The following ZNF385B variants were observed in gnomAD, a reference collection of about 807,000 sequenced individuals.
The protein encoded by ZNF385B is zinc finger protein 533.
In ZNF385B, 23 loss-of-function variants were observed where a neutral mutation model predicts 39.2. The observed-to-expected ratio is 0.59, with a 90% CI of 0.42 to 0.83. The LOEUF (loss-of-function observed/expected upper bound fraction) is 0.83, where lower values mean the gene tolerates loss of function less well. ZNF385B is among the 40% of genes least tolerant of loss of function. The pLI is 0.00. For missense variants in ZNF385B, 552 were observed against 598.9 expected (o/e 0.92, Z 0.82); for synonymous variants, 205 against 222.6 (o/e 0.92, Z 0.70).
intron 1 of ZNF385B, among the ~76,000 whole-genome samples, chr2:179,850,924 A>G (rs1487712529): frequency 6.6e-6 from 1 of 152,234 alleles, no homozygotes; most frequent in Non-Finnish European, 1.5e-5. Flanking sequence ...CTTATGCAAC[A>G]GTTCAGATGT....
intron 3 of ZNF385B, among the ~76,000 whole-genome samples, chr2:179,594,818 G>GT (rs1192620747): frequency 1.7e-5 from 2 of 115,178 alleles, no homozygotes; most frequent in South Asian, 2.8e-4. Flanking sequence ...TTTCTGTTTT[G>GT]TTTTTTTTAG....
intron 3 of ZNF385B, among the ~76,000 whole-genome samples, chr2:179,585,458 A>G (rs1204243646): frequency 6.6e-6 from 1 of 152,212 alleles, no homozygotes; most frequent in African/African-American, 2.4e-5. Flanking sequence ...TAAATGACAA[A>G]TTAACTTTAA....
Position 179,518,632 on chromosome 2 carries a change from G to C in ZNF385B, c.448C>G (p.Pro150Ala). 1 of 1,577,826 alleles carries C rather than the reference G, an allele frequency of 6.3e-7. No homozygotes were observed. Residue 150 changes from proline to alanine, a missense_variant, in exon 5 of 10, where the codon CCT (proline) becomes GCT (alanine). Physicochemically the swap from Pro to Ala is conservative, Grantham distance 27. Coordinates refer to ENST00000410066, the MANE Select transcript of ZNF385B (RefSeq NM_152520.6). ...TGGTTAATAACCGCTTTTTGCACAG[G>C]ATCCATCTGAAGAACAAATGAAAAA... Reference protein sequence around the residue: ...GLFPNFNTMDPVQKAVINHTF... With the variant: ...GLFPNFNTMDAVQKAVINHTF...
chr2:179,772,834 T>C (rs924283682), intron 1 of ZNF385B, among the ~76,000 whole-genome samples: 2 of 152,218 alleles, frequency 1.3e-5, no homozygotes, highest in Non-Finnish European at 2.9e-5. Flanking sequence ...GGCAGCACTG[T>C]GCTTTGGACT....
chr2:179,676,755 AGG>A (rs1463510636), intron 3 of ZNF385B, among the ~76,000 whole-genome samples: 1 of 152,128 alleles, frequency 6.6e-6, no homozygotes, highest in Non-Finnish European at 1.5e-5. Flanking sequence ...TTTGTCCCTC[AGG>A]GGTCAATTGG....
intron 3 of ZNF385B, among the ~76,000 whole-genome samples, chr2:179,617,770 T>C (rs1380642303): frequency 6.6e-6 from 1 of 152,218 alleles, no homozygotes; most frequent in Non-Finnish European, 1.5e-5. Context: ...GAGTATTACC[T>C]GCATACTGGT....
chr2:179,740,421 T>C (rs1246221414), intron 3 of ZNF385B, among the ~76,000 whole-genome samples: 4 of 152,212 alleles, frequency 2.6e-5, no homozygotes, highest in Non-Finnish European at 4.4e-5. Context: ...GGGAGGCATC[T>C]TTTTGTCATT....
intron 3 of ZNF385B, among the ~76,000 whole-genome samples, chr2:179,687,738 A>G (rs1698034595): frequency 6.6e-6 from 1 of 152,208 alleles, no homozygotes; most frequent in East Asian, 1.9e-4. Context: ...CAAAGTGTCA[A>G]AATTTTTCCA....
At chr2:179,474,447 C>A (rs1297051789) in intron 6 of ZNF385B, among the ~76,000 whole-genome samples, 3 of 152,074 alleles carry the variant, frequency 2.0e-5, no homozygotes, top group Non-Finnish European at 4.4e-5. Context: ...ATGGCAAAAA[C>A]CATGATTACT....
chr2:179,757,763 G>A (rs547200838), intron 3 of ZNF385B, among the ~76,000 whole-genome samples: 9 of 152,290 alleles, frequency 5.9e-5, no homozygotes, highest in Admixed American at 1.3e-4. Context: ...CTCCAAGCCA[G>A]GTGCGGGATA....
At chr2:179,829,662 C>A (rs1025982817) in intron 1 of ZNF385B, among the ~76,000 whole-genome samples, 66 of 152,172 alleles carry the variant, frequency 4.3e-4, no homozygotes, top group African/African-American at 1.5e-3. Flanking sequence ...TACAGGCGCC[C>A]GCCACCATGC....
At chr2:179,469,890 C>T (rs1455136165) in intron 6 of ZNF385B, among the ~76,000 whole-genome samples, 2 of 152,220 alleles carry the variant, frequency 1.3e-5, no homozygotes, top group African/African-American at 4.8e-5. Context: ...CCTTCGCTGT[C>T]AGCTGTGGGT....
chr2:179,516,552 G>A (rs2058102447), intron 5 of ZNF385B, among the ~76,000 whole-genome samples: 1 of 151,918 alleles, frequency 6.6e-6, no homozygotes, highest in African/African-American at 2.4e-5. Flanking sequence ...ATTTTTTTAT[G>A]TGCTTATTCA....
chr2:179,443,356 G>A lies in ZNF385B; in HGVS notation c.1355C>T (p.Pro452Leu). 6.2e-7 allele frequency: 1 copy of A among 1,612,622 alleles called. No individual in the cohort carries two copies. The change falls in exon 10 of 10, where the codon CCC becomes CTC. Residue 452 changes from proline to leucine, a missense_variant. Pro to Leu is a moderately conservative substitution (Grantham distance 98). Transcript: ENST00000410066. ...VSSALSLPPR[P>L]SASLFQAPAI... ...TGGAGCCTGGAAGAGCGAGGCAGAG[G>A]GCCGGGGTGGGAGTGACAGCGCTGA... is the stretch of plus-strand genomic sequence containing the variant.
intron 3 of ZNF385B, among the ~76,000 whole-genome samples, chr2:179,755,925 C>T (rs1702985686): frequency 6.6e-6 from 1 of 152,132 alleles, no homozygotes; most frequent in South Asian, 2.1e-4. Flanking sequence ...GCATTTAGCC[C>T]ATTTACATTT....
chr2:179,485,900 A>G (rs1417987986), intron 5 of ZNF385B, among the ~76,000 whole-genome samples: 2 of 152,278 alleles, frequency 1.3e-5, no homozygotes, highest in African/African-American at 4.8e-5. Flanking sequence ...CTGACTATAC[A>G]TGGTCCCTAA....
At chr2:179,462,915 G>T (rs1232830207) in intron 6 of ZNF385B, among the ~76,000 whole-genome samples, 1 of 152,078 alleles carries the variant, frequency 6.6e-6, no homozygotes, top group Non-Finnish European at 1.5e-5. Flanking sequence ...GTGTGTGTGT[G>T]TGTTTGTGAA....
intron 4 of ZNF385B, among the ~76,000 whole-genome samples, chr2:179,532,722 A>G (rs547638959): frequency 6.6e-5 from 10 of 152,176 alleles, no homozygotes; most frequent in Non-Finnish European, 1.3e-4. Flanking sequence ...ACCTGACAAC[A>G]CAAGACGCTG....
chr2:179,744,354 C>A (rs1702255544), intron 3 of ZNF385B, among the ~76,000 whole-genome samples: 2 of 150,214 alleles, frequency 1.3e-5, no homozygotes, highest in South Asian at 2.1e-4. Flanking sequence ...TTAGCAGAAG[C>A]TATCGGCTTT....
Sources: allele counts gnomAD v4.1 joint callset (sites outside exome capture counted in the v4.1 genomes callset), GRCh38; gene constraint gnomAD v4.1.1; transcripts MANE v1.5; gene names NCBI Gene and HGNC (gene_info 2026-07-23, HGNC 2026-07-21).